DENND4C: variants seen among roughly 807,000 people sequenced by gnomAD.
The protein encoded by DENND4C is DENN domain-containing protein 4C.
In DENND4C, 108 loss-of-function variants were observed where a neutral mutation model predicts 203.0. The ratio of observed to expected loss-of-function variants is 0.53; its 90% CI spans 0.46 to 0.62. The LOEUF is 0.62. DENND4C is among the 20% of genes least tolerant of loss of function. The probability of loss-of-function intolerance (pLI) is 0.00; values close to 1 mark genes in which losing one functional copy is unlikely to be tolerated. For missense variants in DENND4C, 2,481 were observed against 2,301.2 expected (o/e 1.08, Z -1.60); for synonymous variants, 871 against 792.4 (o/e 1.10, Z -1.67).
chr9:19,263,295 C>G (rs992376282), intron 1 of DENND4C, among the ~76,000 whole-genome samples: 2 of 151,480 alleles, frequency 1.3e-5, no homozygotes, highest in Non-Finnish European at 2.9e-5. Context: ...CCCACAGGGT[C>G]ATGTTGAATA....
intron 1 of DENND4C, among the ~76,000 whole-genome samples, chr9:19,236,757 G>A (rs1029992375): frequency 2.0e-5 from 3 of 152,110 alleles, no homozygotes; most frequent in Non-Finnish European, 4.4e-5. Flanking sequence ...AGGCCATGTC[G>A]CTTTAGCCTT....
chr9:19,344,227 G>A (rs186993682), intron 22 of DENND4C, among the ~76,000 whole-genome samples: 88 of 152,224 alleles, frequency 5.8e-4, no homozygotes, highest in African/African-American at 2.0e-3. Flanking sequence ...ACAGTAAAAA[G>A]CAATGGATAA....
chr9:19,369,060 G>A (rs1023114550), intron 30 of DENND4C, among the ~76,000 whole-genome samples: 10 of 152,102 alleles, frequency 6.6e-5, no homozygotes, highest in African/African-American at 2.4e-4. Flanking sequence ...TGAGCAGGGA[G>A]GACTGCTTGA....
intron 1 of DENND4C, among the ~76,000 whole-genome samples, chr9:19,266,968 A>G (rs1830630690): frequency 6.6e-6 from 1 of 152,166 alleles, no homozygotes; most frequent in African/African-American, 2.4e-5. Flanking sequence ...TCGTGGTCAG[A>G]GACCTATTTG....
intron 12 of DENND4C, among the ~76,000 whole-genome samples, chr9:19,317,823 A>G (rs1388651073): frequency 2.6e-5 from 4 of 152,228 alleles, no homozygotes; most frequent in Admixed American, 6.5e-5. Context: ...CAGAAAAAAA[A>G]GGGATGTTCT....
At chr9:19,354,736 G>C (rs775143901) in intron 26 of DENND4C, among the ~76,000 whole-genome samples, 1 of 151,320 alleles carries the variant, frequency 6.6e-6, no homozygotes, top group Non-Finnish European at 1.5e-5. Flanking sequence ...TGTAGAGATG[G>C]GGTTTCGCCA....
rs1028234405 is a variant in DENND4C, at chr9:19,326,213, A to G, written c.2120+19A>G. ...AGTACAGGTAGTAGGAAGTTTTAAA[A>G]GAGCTTAATGGCACAGCCTATCAGT... On this transcript the variant is annotated intron_variant, in intron 15 of 32. Transcript: ENST00000434457. 6.3e-7 allele frequency: 1 copy of G among 1,595,992 alleles called. No individual in the cohort carries two copies. The highest frequency in any genetic ancestry group is 8.5e-7 in the Non-Finnish European group (1 of 1,175,504).
chr9:19,289,125 A>T (rs1247979981), intron 4 of DENND4C, among the ~76,000 whole-genome samples: 1 of 152,188 alleles, frequency 6.6e-6, no homozygotes, highest in Non-Finnish European at 1.5e-5. Context: ...GTTGCAAAGA[A>T]TCAGCTATAT....
chr9:19,357,583 G>A lies in DENND4C; in HGVS notation c.4965-382G>A, dbSNP rs986773513. On this transcript the variant is annotated intron_variant, in intron 27 of 32. Coordinates refer to ENST00000434457, the MANE Select transcript of DENND4C (RefSeq NM_001330640.2). The stretch of plus-strand genomic sequence containing the variant: ...CTGGGTCTCTCTCCTTAGGTGGATC[G>A]TGGCCTAGTAGAGATTAAATACTTG... 4.3e-5 allele frequency: 9 copies of A among 209,272 alleles called. No homozygotes were observed. In the East Asian group the frequency reaches 4.7e-4, roughly 11 times the overall value. The allele number at this position is 209,272 out of a possible 1,614,324, so 13.0% of individuals were successfully genotyped here. A position where few individuals can be genotyped will look rare whatever the true frequency, so the allele number is the denominator to read the frequency against.
chr9:19,331,509 G>T (rs1470717519), intron 16 of DENND4C, among the ~76,000 whole-genome samples: 1 of 152,094 alleles, frequency 6.6e-6, no homozygotes, highest in Non-Finnish European at 1.5e-5. Context: ...CCAGAAACAG[G>T]TCTTTTTTAA....
intron 4 of DENND4C, 56 bp from the exon 5 acceptor site, chr9:19,290,648 C>A: frequency 8.4e-7 from 1 of 1,195,222 alleles, no homozygotes; most frequent in Non-Finnish European, 1.1e-6. Flanking sequence ...CTATCATATG[C>A]AATTTATGGA....
chr9:19,284,348 A>G (rs959017143), intron 2 of DENND4C, among the ~76,000 whole-genome samples: 1 of 152,162 alleles, frequency 6.6e-6, no homozygotes, highest in Non-Finnish European at 1.5e-5. Context: ...TATTTACTTT[A>G]TTCAATGAAA....
At chr9:19,371,971 A>G (rs1828923515) in intron 32 of DENND4C, 66 bp from the exon 33 acceptor site, 5 of 1,528,334 alleles carry the variant, frequency 3.3e-6, no homozygotes, top group East Asian at 2.3e-5. Context: ...CTCAATACCA[A>G]TTTGAAATGA....
Position 19,360,462 on chromosome 9 carries a change from A to G in DENND4C, c.5379A>G (p.Thr1793=). The change falls in exon 29 of 33, where the codon ACA becomes ACG. Residue 1793 remains threonine (T), a synonymous_variant. Transcript: ENST00000434457. The stretch of plus-strand genomic sequence containing the variant: ...GTAACTTGCCAGGACTTATCCTCAC[A>G]TCTGAACATTGTAATGAAGGTGTAC... The part of the protein sequence containing the change: ...LPSNLPGLIL[T]SEHCNEGVQL... 1.2e-6 allele frequency: 2 copies of G among 1,614,152 alleles called. No individual in the cohort carries two copies. The highest frequency in any genetic ancestry group is 1.7e-6 in the Non-Finnish European group (2 of 1,180,000).
chr9:19,284,202 A>C (rs1834747090), intron 2 of DENND4C, among the ~76,000 whole-genome samples: 1 of 152,206 alleles, frequency 6.6e-6, no homozygotes, highest in Admixed American at 6.5e-5. Context: ...TCTTAAACAA[A>C]ATGTAGATAC....
chr9:19,245,798 G>C (rs1193462900), intron 1 of DENND4C, among the ~76,000 whole-genome samples: 1 of 151,556 alleles, frequency 6.6e-6, no homozygotes, highest in Non-Finnish European at 1.5e-5. Context: ...GGAGGTTGCG[G>C]TGAGCAGAGA....
At chr9:19,371,718 A>G (rs200150097) in intron 31 of DENND4C, 38 bp from the exon 32 acceptor site, 2 of 1,063,066 alleles carry the variant, frequency 1.9e-6, no homozygotes, top group Admixed American at 2.2e-5. Flanking sequence ...TTTTTATGCT[A>G]TTTGCCCATT....
intron 8 of DENND4C, among the ~76,000 whole-genome samples, chr9:19,299,962 G>C (rs1209309112): frequency 6.6e-6 from 1 of 152,110 alleles, no homozygotes; most frequent in Non-Finnish European, 1.5e-5. Context: ...CAACTCAAAT[G>C]GCTGTTCAGG....
intron 13 of DENND4C, among the ~76,000 whole-genome samples, chr9:19,324,748 C>T (rs963280889): frequency 3.9e-5 from 6 of 152,208 alleles, no homozygotes; most frequent in Non-Finnish European, 8.8e-5. Context: ...GAAACAGCAT[C>T]TCATTCTGTT....
Sources: allele counts gnomAD v4.1 joint callset (sites outside exome capture counted in the v4.1 genomes callset), GRCh38; gene constraint gnomAD v4.1.1; transcripts MANE v1.5; gene names NCBI Gene and HGNC (gene_info 2026-07-23, HGNC 2026-07-21).